Variants in MASP1 observed in about 807,000 individuals in gnomAD.
The protein encoded by MASP1 is mannan-binding lectin serine protease 1.
A neutral mutation model predicts 77.1 loss-of-function variants in MASP1; 59 were observed. That is an observed-to-expected ratio of 0.77 (90% CI 0.62 to 0.95). The LOEUF (loss-of-function observed/expected upper bound fraction) is 0.95, where lower values mean the gene tolerates loss of function less well. MASP1 is among the 40% of genes least tolerant of loss of function. MASP1 has a pLI of 0.00. For synonymous variants in MASP1, 362 were observed against 354.5 expected (o/e 1.02, Z -0.24); for missense variants, 885 against 912.9 (o/e 0.97, Z 0.39).
intron 2 of MASP1, among the ~76,000 whole-genome samples, chr3:187,275,486 C>A (rs1214073253): frequency 6.6e-6 from 1 of 152,164 alleles, no homozygotes; most frequent in Non-Finnish European, 1.5e-5. Context: ...ACTTAAACCT[C>A]CCCAGGCGGT....
At chr3:187,220,292 A>C (rs1198958981) in intron 15 of MASP1, 1 of 1,603,572 alleles carries the variant, frequency 6.2e-7, no homozygotes. Flanking sequence ...GATGAAGATA[A>C]AATGCCCCTT....
intron 2 of MASP1, among the ~76,000 whole-genome samples, chr3:187,264,839 A>G (rs1715886470): frequency 6.6e-6 from 1 of 152,188 alleles, no homozygotes; most frequent in Non-Finnish European, 1.5e-5. Flanking sequence ...AGGGCCTGGG[A>G]AAGGGATTCT....
chr3:187,218,700 G>C (rs1294530387), exon 16 of MASP1: 1 of 152,426 alleles, frequency 6.6e-6, no homozygotes, highest in South Asian at 2.1e-4. Context: ...CCCCAGGGAA[G>C]ATCAATTTCT....
chr3:187,247,294 T>G (rs369221551), intron 8 of MASP1: 197 of 1,613,872 alleles, frequency 1.2e-4, no homozygotes, highest in Non-Finnish European at 1.6e-4. Context: ...TTGGGAGTGA[T>G]CCATTTCTGG....
intron 8 of MASP1, among the ~76,000 whole-genome samples, chr3:187,245,456 A>G (rs969283329): frequency 1.3e-5 from 2 of 152,142 alleles, no homozygotes; most frequent in African/African-American, 4.8e-5. Flanking sequence ...CTACTTTCAC[A>G]TCACTTCAGA....
intron 10 of MASP1, among the ~76,000 whole-genome samples, chr3:187,240,445 T>C (rs1213371032): frequency 2.0e-5 from 3 of 152,168 alleles, no homozygotes; most frequent in South Asian, 2.1e-4. Flanking sequence ...TCTTGAGTGA[T>C]TGTATCATTA....
rs369151383 is a variant in MASP1 at position 187,256,946 on chromosome 3, A to G, written c.548-86T>C. 6 of 1,210,672 alleles carry G rather than the reference A, an allele frequency of 5.0e-6. No individual in the cohort carries two copies. The East Asian group carries it at 7.2e-5, about 15-fold the overall frequency. The allele number at this position is 1,210,672 out of a possible 1,614,324, so 75.0% of individuals were successfully genotyped here. A position where few individuals can be genotyped will look rare whatever the true frequency, so the allele number is the denominator to read the frequency against. On this transcript the variant is annotated intron_variant, in intron 4 of 10. Transcript: ENST00000296280. The stretch of plus-strand genomic sequence containing the variant: ...TATCTGTTACTATATGATTTTCCCA[A>G]TGGTCCCAAGCAGTAGACAGGGAAG...
intron 8 of MASP1, chr3:187,247,100 TC>T: frequency 7.0e-7 from 1 of 1,421,272 alleles, no homozygotes; most frequent in African/African-American, 1.4e-5. Context: ...CATTTTTTTT[TC>T]ATTATTTTCT....
chr3:187,249,540 G>T (rs1332430722), intron 8 of MASP1, among the ~76,000 whole-genome samples: 2 of 152,218 alleles, frequency 1.3e-5, no homozygotes, highest in Non-Finnish European at 1.5e-5. Flanking sequence ...GTTGCAGGGG[G>T]TGGTGGTGAG....
chr3:187,260,667 T>C, intron 4 of MASP1, 74 bp downstream of exon 4: 1 of 1,597,492 alleles, frequency 6.3e-7, no homozygotes, highest in Non-Finnish European at 8.6e-7. Context: ...TATCTGTCTT[T>C]CTCTGAGCCT....
At chr3:187,225,616 T>C in intron 12 of MASP1, 4 of 1,184,442 alleles carry the variant, frequency 3.4e-6, no homozygotes, top group Non-Finnish European at 5.0e-6. Context: ...GCTTCCAGCC[T>C]TAGCCCTTTC....
At chr3:187,246,539 T>C in intron 8 of MASP1, 1 of 985,538 alleles carries the variant, frequency 1.0e-6, no homozygotes, top group Non-Finnish European at 1.2e-6. Context: ...GCAAAGATTC[T>C]CTGACATGTG....
chr3:187,262,656 G>A lies in MASP1; in HGVS notation c.302C>T (p.Thr101Ile), dbSNP rs763396029. 13 of 1,614,038 alleles carry A rather than the reference G, an allele frequency of 8.1e-6. No homozygotes were observed. The highest frequency in any genetic ancestry group is 1.6e-4 in the Middle Eastern group (1 of 6,084). ...CGRETTDTEQ[T>I]PGQEVVLSPG... ...GGAGAGGACCACCTCCTGGCCGGGA[G>A]TCTGCTCTGTGTCTGTGGTCTCCCT... The change falls in exon 3 of 11, where the codon ACT (threonine) becomes ATT (isoleucine). Residue 101 changes from threonine to isoleucine, a missense_variant. Thr to Ile is a moderately conservative substitution (Grantham distance 89, BLOSUM62 -1). Transcript: ENST00000296280.
intron 8 of MASP1, chr3:187,246,598 C>T: frequency 1.0e-6 from 1 of 985,696 alleles, no homozygotes; most frequent in Non-Finnish European, 1.2e-6. Context: ...CACTCCCCAG[C>T]CCTTTCTCTA....
chr3:187,230,786 C>T (rs1712723264), downstream of MASP1, among the ~76,000 whole-genome samples: 1 of 152,192 alleles, frequency 6.6e-6, no homozygotes, highest in African/African-American at 2.4e-5. Flanking sequence ...AAATTGACTT[C>T]CAAAAGGTAT....
At chr3:187,247,703 G>A (rs943897397) in intron 8 of MASP1, among the ~76,000 whole-genome samples, 8 of 152,206 alleles carry the variant, frequency 5.3e-5, no homozygotes, top group African/African-American at 1.9e-4. Context: ...AGCATTTAGA[G>A]TAGAACAGGG....
chr3:187,234,178 A>G lies in MASP1; in HGVS notation c.*1506T>C. On this transcript the variant is annotated 3_prime_UTR_variant, in exon 11 of 11. Coordinates refer to ENST00000296280, the MANE Select transcript of MASP1 (RefSeq NM_139125.4). ...AGAATGGTGAAGCATATGATATAAAAGATACAAAATATAACATCATTTACA... is the reference window on the plus strand; with the variant it reads ...AGAATGGTGAAGCATATGATATAAAGGATACAAAATATAACATCATTTACA... The G allele has an allele frequency of 7.8e-7, 1 of 1,287,252 alleles. No individual in the cohort carries two copies. The highest frequency in any genetic ancestry group is 1.0e-6 in the Non-Finnish European group (1 of 988,690). 79.7% of individuals were successfully genotyped at this position (1,287,252 alleles called of 1,614,324 possible).
Position 187,273,849 on chromosome 3 carries a change from T to C in MASP1, c.238-11129A>G, listed in dbSNP as rs9875510. ...CTGGCAGATCTAAGCTCAAGTTGAC[T>C]TCAAATGAGAGGTTCTGGAGGTTGA... On this transcript the variant is annotated intron_variant, in intron 2 of 10. Transcript: ENST00000296280. Among the ~76,000 whole-genome samples, 1,460 of 152,330 alleles carry C rather than the reference T, an allele frequency of 9.6e-3. 14 individuals are homozygous for C. The highest frequency in any genetic ancestry group is 0.026 in the African/African-American group (1,095 of 41,570).
intron 13 of MASP1, among the ~76,000 whole-genome samples, chr3:187,224,718 A>T (rs540507622): frequency 6.6e-6 from 1 of 152,256 alleles, no homozygotes; most frequent in African/African-American, 2.4e-5. Flanking sequence ...GGTACTAGGG[A>T]TGAGACTCTG....
Sources: gnomAD v4.1 joint callset for allele counts (sites outside exome capture counted in the v4.1 genomes callset) on GRCh38, gnomAD v4.1.1 for gene constraint, MANE v1.5 for transcripts, NCBI Gene and HGNC (gene_info 2026-07-23, HGNC 2026-07-21) for gene names.